The following SV2C variants were observed in gnomAD, a reference collection of about 807,000 sequenced individuals.
The protein encoded by SV2C is solute carrier family 22 member B3.
A neutral mutation model predicts 79.7 loss-of-function variants in SV2C; 49 were observed. That is an observed-to-expected ratio of 0.61 (90% CI 0.49 to 0.78). SV2C has a LOEUF of 0.78. Among genes scored for constraint, SV2C ranks in the 30% least tolerant of loss-of-function variants. The pLI is 0.00. For missense variants in SV2C, 833 were observed against 912.9 expected (o/e 0.91, Z 1.13); for synonymous variants, 334 against 333.2 (o/e 1.00, Z -0.03).
At chr5:76,188,032 G>A (rs966837614) in intron 2 of SV2C, among the ~76,000 whole-genome samples, 1 of 152,176 alleles carries the variant, frequency 6.6e-6, no homozygotes, top group African/African-American at 2.4e-5. Context: ...CTAAGGGCAG[G>A]TGGATTGCTT....
intron 10 of SV2C, among the ~76,000 whole-genome samples, chr5:76,300,193 T>TTA (rs1338698433): frequency 2.3e-5 from 2 of 88,326 alleles, no homozygotes; most frequent in Non-Finnish European, 2.4e-5. Context: ...TATTATTATT[T>TTA]TTGTAGAGAT....
At chr5:76,242,556 A>G (rs1745821498) in intron 4 of SV2C, among the ~76,000 whole-genome samples, 1 of 152,082 alleles carries the variant, frequency 6.6e-6, no homozygotes, top group Non-Finnish European at 1.5e-5. Context: ...CACTTTAAAA[A>G]ACGCTGGCCT....
intron 1 of SV2C, among the ~76,000 whole-genome samples, chr5:76,097,096 C>G (rs906606317): frequency 6.6e-6 from 1 of 152,138 alleles, no homozygotes; most frequent in Non-Finnish European, 1.5e-5. Flanking sequence ...AGCCCACATT[C>G]CATTGACCAA....
At chr5:75,957,276 A>G in the SV2C span, among the ~76,000 whole-genome samples, 1 of 152,044 alleles carries the variant, frequency 6.6e-6, no homozygotes, top group African/African-American at 2.4e-5. Context: ...CATAAGGGAT[A>G]CAGAAATGTT....
intron 12 of SV2C, among the ~76,000 whole-genome samples, chr5:76,313,946 C>G (rs916273191): frequency 2.0e-5 from 3 of 152,150 alleles, no homozygotes; most frequent in Non-Finnish European, 4.4e-5. Flanking sequence ...CCTGTTGATT[C>G]TTGATTAATG....
At chr5:75,908,778 G>A in the SV2C span, among the ~76,000 whole-genome samples, 235 of 152,240 alleles carry the variant, frequency 1.5e-3, no homozygotes, top group African/African-American at 5.3e-3. Context: ...ATTTATCATT[G>A]TCAGTGGTTT....
the SV2C span, among the ~76,000 whole-genome samples, chr5:75,907,924 C>G: frequency 6.6e-6 from 1 of 152,184 alleles, no homozygotes. Context: ...GAGCCCTGCC[C>G]CTGCACACAC....
At chr5:76,123,841 C>T (rs553018073) in intron 1 of SV2C, among the ~76,000 whole-genome samples, 1 of 152,100 alleles carries the variant, frequency 6.6e-6, no homozygotes, top group South Asian at 2.1e-4. Flanking sequence ...AAAGTTCTGT[C>T]CTATTTGAGA....
At chr5:76,280,476 AC>A (rs1747151309) in intron 4 of SV2C, among the ~76,000 whole-genome samples, 2 of 152,170 alleles carry the variant, frequency 1.3e-5, no homozygotes, top group Admixed American at 6.5e-5. Flanking sequence ...AAACCGCCCG[AC>A]TGGAATCATG....
intron 4 of SV2C, among the ~76,000 whole-genome samples, chr5:76,219,737 C>T (rs549526153): frequency 4.6e-5 from 7 of 152,260 alleles, no homozygotes; most frequent in Admixed American, 1.3e-4. Context: ...GAGTTCTGGC[C>T]AGATCTGGGA....
At chr5:76,120,598 A>G (rs1249861452) in intron 1 of SV2C, among the ~76,000 whole-genome samples, 1 of 136,752 alleles carries the variant, frequency 7.3e-6, no homozygotes, top group Admixed American at 8.2e-5. Flanking sequence ...ATTCCCATCT[A>G]TGAGTGAGAA....
chr5:76,025,858 A>G, the SV2C span, among the ~76,000 whole-genome samples: 9 of 152,356 alleles, frequency 5.9e-5, no homozygotes, highest in South Asian at 2.1e-4. Context: ...TTGCAAACAC[A>G]TATTGATGCA....
At chr5:76,160,301 A>C (rs909273296) in intron 2 of SV2C, among the ~76,000 whole-genome samples, 2 of 152,322 alleles carry the variant, frequency 1.3e-5, no homozygotes, top group Non-Finnish European at 2.9e-5. Flanking sequence ...ACAAACTAGG[A>C]GGCACTTAAC....
At chr5:75,890,145 A>G in the SV2C span, among the ~76,000 whole-genome samples, 2 of 152,108 alleles carry the variant, frequency 1.3e-5, no homozygotes, top group Admixed American at 1.3e-4. Flanking sequence ...TTTCATAATG[A>G]ATGCTAAAAT....
chr5:76,094,885 G>T (rs538389257), intron 1 of SV2C, among the ~76,000 whole-genome samples: 1 of 152,116 alleles, frequency 6.6e-6, no homozygotes, highest in African/African-American at 2.4e-5. Context: ...TTTCCTCCTA[G>T]TGTGGCTTGT....
intron 4 of SV2C, among the ~76,000 whole-genome samples, chr5:76,272,211 G>T (rs1298814040): frequency 6.6e-6 from 1 of 152,180 alleles, no homozygotes; most frequent in East Asian, 1.9e-4. Flanking sequence ...GACCTCTGCT[G>T]TCTTAATGCT....
the SV2C span, chr5:75,910,652 C>T: frequency 9.9e-7 from 1 of 1,010,986 alleles, no homozygotes. Flanking sequence ...GGATGCAGTG[C>T]AGAATGCCAA....
intron 2 of SV2C, among the ~76,000 whole-genome samples, chr5:76,177,122 A>C (rs1743557333): frequency 6.7e-6 from 1 of 149,740 alleles, no homozygotes; most frequent in South Asian, 2.1e-4. Context: ...CTCAAAAAAA[A>C]AACAACAAAA....
chr5:76,228,274 GA>G (rs2112392728), intron 4 of SV2C, among the ~76,000 whole-genome samples: 1 of 152,310 alleles, frequency 6.6e-6, no homozygotes, highest in South Asian at 2.1e-4. Flanking sequence ...GTTTCTCAAA[GA>G]AAAGCCTGTC....
Sources: allele counts gnomAD v4.1 joint callset (sites outside exome capture counted in the v4.1 genomes callset), GRCh38; gene constraint gnomAD v4.1.1; transcripts MANE v1.5; gene names NCBI Gene and HGNC (gene_info 2026-07-23, HGNC 2026-07-21).